Variants in GULP1 observed in about 807,000 individuals in gnomAD.
GULP1 encodes PTB domain-containing engulfment adapter protein 1.
A neutral mutation model predicts 40.9 loss-of-function variants in GULP1; 19 were observed. The ratio of observed to expected loss-of-function variants is 0.46; its 90% CI spans 0.32 to 0.68. The LOEUF (loss-of-function observed/expected upper bound fraction) is 0.68, where lower values mean the gene tolerates loss of function less well. Ranked by LOEUF, GULP1 falls within the 30% of genes least tolerant of loss-of-function variation. The pLI, the probability that GULP1 is intolerant of heterozygous loss-of-function variation, is 0.03. For synonymous variants in GULP1, 119 were observed against 117.6 expected (o/e 1.01, Z -0.08); for missense variants, 312 against 362.2 (o/e 0.86, Z 1.12).
intron 1 of GULP1, among the ~76,000 whole-genome samples, chr2:188,353,238 C>T (rs2044755049): frequency 6.6e-6 from 1 of 152,118 alleles, no homozygotes; most frequent in Non-Finnish European, 1.5e-5. Context: ...AAAATGAAAG[C>T]TGACATTTAC....
At chr2:188,423,428 T>A (rs945330204) in intron 2 of GULP1, among the ~76,000 whole-genome samples, 1 of 151,980 alleles carries the variant, frequency 6.6e-6, no homozygotes, top group African/African-American at 2.4e-5. Flanking sequence ...AATATTCTTT[T>A]TGCTACACAG....
chr2:188,536,786 A>G (rs1689051179), intron 6 of GULP1, among the ~76,000 whole-genome samples: 1 of 152,114 alleles, frequency 6.6e-6, no homozygotes, highest in African/African-American at 2.4e-5. Context: ...TGGTCATTTT[A>G]ACAGTATTAA....
At chr2:188,553,494 G>A (rs1428752575) in intron 7 of GULP1, among the ~76,000 whole-genome samples, 3 of 151,886 alleles carry the variant, frequency 2.0e-5, no homozygotes, top group African/African-American at 4.8e-5. Flanking sequence ...AACCATCCAC[G>A]CATCTCTGGT....
At chr2:188,380,671 G>A (rs2048904455) in intron 1 of GULP1, among the ~76,000 whole-genome samples, 1 of 152,112 alleles carries the variant, frequency 6.6e-6, no homozygotes, top group African/African-American at 2.4e-5. Context: ...TTGCAAATTA[G>A]ATTAAATACT....
chr2:188,397,577 T>G (rs1277062408), intron 2 of GULP1, among the ~76,000 whole-genome samples: 1 of 152,242 alleles, frequency 6.6e-6, no homozygotes, highest in East Asian at 1.9e-4. Context: ...ATTGTTTAAT[T>G]ATCTTCATTG....
At chr2:188,490,262 A>G (rs895213194) in intron 4 of GULP1, among the ~76,000 whole-genome samples, 1 of 152,154 alleles carries the variant, frequency 6.6e-6, no homozygotes, top group African/African-American at 2.4e-5. Flanking sequence ...ACAGGAAGAT[A>G]GTAGCAAAAT....
intron 4 of GULP1, among the ~76,000 whole-genome samples, chr2:188,492,488 T>C (rs1177393469): frequency 6.6e-6 from 1 of 152,064 alleles, no homozygotes; most frequent in East Asian, 1.9e-4. Flanking sequence ...CCAATAATTT[T>C]CTAAGCATTT....
At chr2:188,329,797 G>T (rs1249713372) in intron 1 of GULP1, among the ~76,000 whole-genome samples, 2 of 152,118 alleles carry the variant, frequency 1.3e-5, no homozygotes, top group Non-Finnish European at 2.9e-5. Flanking sequence ...GATGGGGTTC[G>T]TGATGTATTT....
chr2:188,467,445 C>G (rs188049044), intron 2 of GULP1, among the ~76,000 whole-genome samples: 10 of 152,124 alleles, frequency 6.6e-5, no homozygotes, highest in Non-Finnish European at 1.2e-4. Flanking sequence ...ATGTTTTTCT[C>G]TATGGTAATC....
In GULP1 at chr2:188,594,514, A is replaced by C. The variant is rs1704163121; in HGVS notation, c.*503A>C. The C allele has an allele frequency of 6.6e-6, 1 of 151,938 alleles. No homozygotes were observed. Among genetic ancestry groups the C allele is most frequent in the Admixed American group, 6.6e-5 (1 of 15,222 alleles). The allele number at this position is 151,938 out of a possible 1,614,324, so 9.4% of individuals were successfully genotyped here. A position where few individuals can be genotyped will look rare whatever the true frequency, so the allele number is the denominator to read the frequency against. On this transcript the variant is annotated 3_prime_UTR_variant, in exon 12 of 12. Coordinates refer to ENST00000409830, the MANE Select transcript of GULP1 (RefSeq NM_016315.4). ...TATAAATACTGTTCACATCACTGGG[A>C]AAATGTAAACTTTAAACATAATGCC...
chr2:188,416,321 A>T (rs1279453386), intron 2 of GULP1, among the ~76,000 whole-genome samples: 1 of 152,038 alleles, frequency 6.6e-6, no homozygotes, highest in Non-Finnish European at 1.5e-5. Context: ...TGATTAGATT[A>T]TGGTGATAGT....
intron 7 of GULP1, among the ~76,000 whole-genome samples, chr2:188,563,605 A>C (rs114005324): frequency 0.011 from 1,634 of 151,392 alleles, 38 homozygotes; most frequent in African/African-American, 0.037. Flanking sequence ...TTTGGCCCAC[A>C]TATTTGGAAT....
chr2:188,504,817 G>C (rs1212833775), intron 4 of GULP1, among the ~76,000 whole-genome samples: 1 of 151,460 alleles, frequency 6.6e-6, no homozygotes, highest in Non-Finnish European at 1.5e-5. Context: ...TGGTTTTTTT[G>C]TTTGTTTGTT....
intron 2 of GULP1, among the ~76,000 whole-genome samples, chr2:188,441,148 A>G (rs991245882): frequency 1.3e-5 from 2 of 152,186 alleles, no homozygotes; most frequent in African/African-American, 4.8e-5. Flanking sequence ...TATACCTAAC[A>G]TCTATATAGT....
intron 1 of GULP1, among the ~76,000 whole-genome samples, chr2:188,349,181 G>A (rs930370328): frequency 2.0e-5 from 3 of 152,086 alleles, no homozygotes; most frequent in Admixed American, 1.3e-4. Flanking sequence ...TGTTTCCACA[G>A]TTTGTCTATT....
chr2:188,463,941 T>G (rs2059916402), intron 2 of GULP1, among the ~76,000 whole-genome samples: 1 of 152,234 alleles, frequency 6.6e-6, no homozygotes, highest in African/African-American at 2.4e-5. Flanking sequence ...TTAAGTTTTT[T>G]TCATTCAGAT....
intron 2 of GULP1, among the ~76,000 whole-genome samples, chr2:188,420,499 G>A (rs1381105556): frequency 6.6e-6 from 1 of 152,212 alleles, no homozygotes; most frequent in Non-Finnish European, 1.5e-5. Flanking sequence ...AGCTCAGCGA[G>A]CAGGAGCATT....
intron 2 of GULP1, among the ~76,000 whole-genome samples, chr2:188,399,711 A>AAAC (rs2051901199): frequency 6.6e-6 from 1 of 150,582 alleles, no homozygotes; most frequent in Non-Finnish European, 1.5e-5. Context: ...AAAAAAAAAA[A>AAAC]AAACATCAAA....
intron 2 of GULP1, among the ~76,000 whole-genome samples, chr2:188,477,042 C>T (rs2061072004): frequency 6.6e-6 from 1 of 151,976 alleles, no homozygotes; most frequent in Non-Finnish European, 1.5e-5. Flanking sequence ...ATTAAGAGGA[C>T]CTCTTGGATG....
Sources: gnomAD v4.1 joint callset for allele counts (sites outside exome capture counted in the v4.1 genomes callset) on GRCh38, gnomAD v4.1.1 for gene constraint, MANE v1.5 for transcripts, NCBI Gene and HGNC (gene_info 2026-07-23, HGNC 2026-07-21) for gene names.